Variants in CNTNAP2 observed in about 807,000 individuals in gnomAD.
CNTNAP2 encodes contactin associated protein 2.
In CNTNAP2, 98 loss-of-function variants were observed where a neutral mutation model predicts 155.2. That is an observed-to-expected ratio of 0.63 (90% CI 0.54 to 0.75). CNTNAP2 has a LOEUF of 0.75. CNTNAP2 is among the 30% of genes least tolerant of loss of function. The pLI is 0.00. For missense variants in CNTNAP2, 1,727 were observed against 1,688.1 expected (o/e 1.02, Z -0.40); for synonymous variants, 651 against 631.2 (o/e 1.03, Z -0.47).
At chr7:147,583,875 A>C (rs183846200) in intron 12 of CNTNAP2, among the ~76,000 whole-genome samples, 1 of 152,188 alleles carries the variant, frequency 6.6e-6, no homozygotes, top group East Asian at 1.9e-4. Flanking sequence ...AGCATCTCAC[A>C]ATCTCTATTG....
chr7:147,186,260 T>C (rs1454867483), intron 8 of CNTNAP2, among the ~76,000 whole-genome samples: 1 of 152,182 alleles, frequency 6.6e-6, no homozygotes, highest in African/African-American at 2.4e-5. Context: ...GTTTAATTGG[T>C]ATGCCATATA....
chr7:146,195,883 G>C (rs1267168097), intron 1 of CNTNAP2, among the ~76,000 whole-genome samples: 1 of 152,172 alleles, frequency 6.6e-6, no homozygotes, highest in Non-Finnish European at 1.5e-5. Flanking sequence ...TTTTTAACAT[G>C]TACTCTGGAA....
intron 3 of CNTNAP2, among the ~76,000 whole-genome samples, chr7:146,947,498 A>G (rs1043776347): frequency 1.4e-5 from 2 of 141,302 alleles, no homozygotes; most frequent in Non-Finnish European, 3.0e-5. Flanking sequence ...ATACATATAT[A>G]TCTTTCTAGA....
At chr7:147,123,395 T>G (rs1368207558) in intron 6 of CNTNAP2, among the ~76,000 whole-genome samples, 1 of 152,220 alleles carries the variant, frequency 6.6e-6, no homozygotes, top group African/African-American at 2.4e-5. Context: ...CCCTGTTGAG[T>G]GTGTGACGAA....
At chr7:146,316,324 G>T (rs957713602) in intron 1 of CNTNAP2, among the ~76,000 whole-genome samples, 1 of 152,060 alleles carries the variant, frequency 6.6e-6, no homozygotes, top group African/African-American at 2.4e-5. Context: ...TTAAAGGAGA[G>T]AGAAAAGAGG....
intron 3 of CNTNAP2, among the ~76,000 whole-genome samples, chr7:146,854,985 A>G (rs1169308267): frequency 3.3e-5 from 5 of 152,330 alleles, no homozygotes; most frequent in African/African-American, 9.6e-5. Context: ...GAAAATTTCC[A>G]TGTCTATAAT....
chr7:146,932,614 G>A (rs973485157), intron 3 of CNTNAP2, among the ~76,000 whole-genome samples: 2 of 152,110 alleles, frequency 1.3e-5, no homozygotes, highest in Admixed American at 6.6e-5. Flanking sequence ...AGGAAATAAA[G>A]GGTATTCAAT....
intron 3 of CNTNAP2, among the ~76,000 whole-genome samples, chr7:146,856,599 A>G (rs957547068): frequency 6.6e-6 from 1 of 152,170 alleles, no homozygotes; most frequent in Admixed American, 6.6e-5. Flanking sequence ...ATTAGTTGCA[A>G]GGGAAATGAA....
intron 1 of CNTNAP2, among the ~76,000 whole-genome samples, chr7:146,185,272 G>A (rs1798606757): frequency 6.6e-6 from 1 of 152,108 alleles, no homozygotes; most frequent in Middle Eastern, 3.2e-3. Flanking sequence ...ATGGCTGGGA[G>A]GAAAGTATGT....
rs370778613 is a variant in CNTNAP2 at position 147,818,026 on chromosome 7, C to A, written c.2099-85539C>A. On this transcript the variant is annotated intron_variant, in intron 13 of 23. Coordinates refer to ENST00000361727, the MANE Select transcript of CNTNAP2 (RefSeq NM_014141.6). ...TTCATTATATCATCTTTTCTGTATA[C>A]AATTGGTAGTTACAGAATTTTTCAT... Among the ~76,000 whole-genome samples the A allele has an allele frequency of 4.4e-4, 66 of 151,316 alleles. 1 individual carries two copies. The highest frequency in any genetic ancestry group is 3.4e-3 in the Middle Eastern group (1 of 294).
intron 11 of CNTNAP2, among the ~76,000 whole-genome samples, chr7:147,543,124 A>C (rs1019687489): frequency 6.6e-6 from 1 of 152,250 alleles, no homozygotes; most frequent in East Asian, 1.9e-4. Flanking sequence ...ATTTATTAAC[A>C]GCAAACCAGT....
At chr7:147,783,144 T>C (rs1258959954) in intron 13 of CNTNAP2, among the ~76,000 whole-genome samples, 3 of 152,200 alleles carry the variant, frequency 2.0e-5, no homozygotes, top group Non-Finnish European at 4.4e-5. Flanking sequence ...AAATAATGCA[T>C]AATGTTGGAA....
At chr7:148,363,532 G>C (rs1798665435) in intron 21 of CNTNAP2, among the ~76,000 whole-genome samples, 1 of 152,224 alleles carries the variant, frequency 6.6e-6, no homozygotes, top group Non-Finnish European at 1.5e-5. Context: ...GGTTTACTGG[G>C]ATGTAGCCCC....
At chr7:147,022,024 T>TTA (rs1798826540) in intron 3 of CNTNAP2, among the ~76,000 whole-genome samples, 2 of 152,132 alleles carry the variant, frequency 1.3e-5, no homozygotes, top group Non-Finnish European at 2.9e-5. Context: ...TTTCTTATTT[T>TTA]TATATATATG....
At chr7:148,043,557 C>A (rs1176279260) in intron 15 of CNTNAP2, among the ~76,000 whole-genome samples, 1 of 152,138 alleles carries the variant, frequency 6.6e-6, no homozygotes, top group East Asian at 1.9e-4. Context: ...GATAAGAAAT[C>A]TTTTTTCTTC....
At chr7:148,213,333 C>T (rs1795580275) in intron 18 of CNTNAP2, among the ~76,000 whole-genome samples, 1 of 152,148 alleles carries the variant, frequency 6.6e-6, no homozygotes. Context: ...GACTCCAGTT[C>T]TGGCTTCGGG....
At chr7:147,476,383 G>A (rs1204703241) in intron 10 of CNTNAP2, among the ~76,000 whole-genome samples, 1 of 151,814 alleles carries the variant, frequency 6.6e-6, no homozygotes, top group African/African-American at 2.4e-5. Flanking sequence ...GGGATTACAG[G>A]TGTGAGCCAC....
intron 11 of CNTNAP2, among the ~76,000 whole-genome samples, chr7:147,541,632 G>A (rs700318): frequency 0.29 from 43,969 of 152,046 alleles, 6,525 homozygotes; most frequent in African/African-American, 0.34. Flanking sequence ...ATTTTAAATC[G>A]TACCCTGTAA....
intron 1 of CNTNAP2, among the ~76,000 whole-genome samples, chr7:146,473,047 T>C (rs1796822960): frequency 6.6e-6 from 1 of 151,778 alleles, no homozygotes; most frequent in Non-Finnish European, 1.5e-5. Context: ...AGTAGATCTA[T>C]ATTTGGCCTG....
Sources: gnomAD v4.1 joint callset for allele counts (sites outside exome capture counted in the v4.1 genomes callset) on GRCh38, gnomAD v4.1.1 for gene constraint, MANE v1.5 for transcripts, NCBI Gene and HGNC (gene_info 2026-07-23, HGNC 2026-07-21) for gene names.